The following OGA variants were observed in gnomAD, a reference collection of about 807,000 sequenced individuals.
The protein encoded by OGA is protein O-GlcNAcase.
In OGA, 21 loss-of-function variants were observed where a neutral mutation model predicts 102.0. The observed-to-expected ratio is 0.21, with a 90% CI of 0.15 to 0.30. The LOEUF is 0.30. Ranked by LOEUF, OGA falls within the 10% of genes least tolerant of loss-of-function variation. The pLI is 1.00. For synonymous variants in OGA, 408 were observed against 378.2 expected, an observed-to-expected ratio of 1.08 and a Z score of -0.91; for missense variants, 765 against 1,107.8, an observed-to-expected ratio of 0.69 and a Z score of 4.39.
intron 7 of OGA, among the ~76,000 whole-genome samples, chr10:101,803,495 G>C (rs2065424740): frequency 6.8e-6 from 1 of 148,036 alleles, no homozygotes; most frequent in South Asian, 2.1e-4. Context: ...AAGAGGTTAA[G>C]TGACTTGTCC....
chr10:101,796,722 C>T (rs1255968913), intron 10 of OGA, among the ~76,000 whole-genome samples: 1 of 152,072 alleles, frequency 6.6e-6, no homozygotes, highest in African/African-American at 2.4e-5. Context: ...AGGCATGCGC[C>T]ACCACGCCTG....
At chr10:101,793,077 G>A (rs2065277251) in intron 11 of OGA, 134 bp from the exon 12 acceptor site, 4 of 604,714 alleles carry the variant, frequency 6.6e-6, no homozygotes, top group Middle Eastern at 2.6e-4. Context: ...GGTGTACTAT[G>A]CTTTACTAAT....
chr10:101,813,238 T>C (rs1181106883), intron 2 of OGA, 111 bp from the exon 3 acceptor site: 3 of 739,880 alleles, frequency 4.1e-6, no homozygotes, highest in African/African-American at 3.5e-5. Context: ...TAATATTCTA[T>C]GACAGTAGCT....
At chr10:101,796,721 C>T (rs1457223183) in intron 10 of OGA, among the ~76,000 whole-genome samples, 1 of 152,116 alleles carries the variant, frequency 6.6e-6, no homozygotes, top group Non-Finnish European at 1.5e-5. Flanking sequence ...CAGGCATGCG[C>T]CACCACGCCT....
At chr10:101,811,385 T>A (rs1199757903) in intron 3 of OGA, among the ~76,000 whole-genome samples, 2 of 100,732 alleles carry the variant, frequency 2.0e-5, no homozygotes, top group African/African-American at 7.9e-5. Context: ...CAAGACTCCA[T>A]CTCAAAAAAT....
chr10:101,796,230 T>C lies in OGA; in HGVS notation c.1984+1750A>G, dbSNP rs905031501. On this transcript the variant is annotated intron_variant, in intron 10 of 15. Transcript: ENST00000361464. ...TATTGAGGTCTCTTGAGCCTAAGGG[T>C]AGATGTCTCCCATGTACAGGAGCTA... 2.0e-5 allele frequency among the ~76,000 whole-genome samples: 3 copies of C among 152,118 alleles called. No individual in the cohort carries two copies. The South Asian group carries it at 6.2e-4, about 32-fold the overall frequency.
chr10:101,812,016 G>A (rs1188801890), intron 3 of OGA, among the ~76,000 whole-genome samples: 1 of 152,122 alleles, frequency 6.6e-6, no homozygotes, highest in East Asian at 1.9e-4. Context: ...GATGGAGATG[G>A]GGTAAGCTGT....
In OGA at chr10:101,792,919, T is replaced by G; in HGVS notation, c.2095A>C (p.Asn699His). 1 of 1,613,708 alleles carries G rather than the reference T, an allele frequency of 6.2e-7. No homozygotes were observed. Among genetic ancestry groups the G allele is most frequent in the Non-Finnish European group, 8.5e-7 (1 of 1,179,706 alleles). ...FQRLLPIDGA[N>H]DLFFQPPPLT... ...GGAGGTGGCTGAAAAAAGAGATCAT[T>G]TGCCCCATCAATTGGCAGCAAACGC... The change falls in exon 12 of 16, where the codon AAT becomes CAT. Residue 699 changes from asparagine to histidine, a missense_variant. By Grantham distance (68) the Asn-to-His change is moderately conservative. This residue lies in a region of OGA where 146 missense variants were observed against 269.7 expected (regional missense o/e 0.54). Transcript: ENST00000361464.
At chr10:101,817,759 C>T (rs1342666114) in intron 1 of OGA, 65 bp downstream of exon 1, 12 of 1,508,546 alleles carry the variant, frequency 8.0e-6, no homozygotes, top group Non-Finnish European at 1.1e-5. Flanking sequence ...AAATCCCCGC[C>T]ACCACCCTCC....
rs112801840 is a variant in OGA at position 101,812,222 on chromosome 10, T to C, written c.349+808A>G. On this transcript the variant is annotated intron_variant, in intron 3 of 15. Coordinates refer to ENST00000361464, the MANE Select transcript of OGA (RefSeq NM_012215.5). Reference sequence around the variant, plus strand: ...GCTATACTACTTTTTATCAATTTTATGTAACCAACTCAACGTTAAGTATAC... The same window carrying C: ...GCTATACTACTTTTTATCAATTTTACGTAACCAACTCAACGTTAAGTATAC... Among the ~76,000 whole-genome samples, 61 of 152,312 alleles carry C rather than the reference T, an allele frequency of 4.0e-4. 1 individual carries two copies. Among genetic ancestry groups the C allele is most frequent in the Middle Eastern group, 3.4e-3 (1 of 294 alleles).
chr10:101,800,288 T>C lies in OGA; in HGVS notation c.1149A>G (p.Ala383=). 1.2e-6 allele frequency: 2 copies of C among 1,614,146 alleles called. No homozygotes were observed. Among genetic ancestry groups the C allele is most frequent in the East Asian group, 4.5e-5 (2 of 44,890 alleles). Residue 383 remains alanine, a synonymous_variant, in exon 8 of 16, where the codon GCA becomes GCG. Coordinates refer to ENST00000361464, the MANE Select transcript of OGA (RefSeq NM_012215.5). ...LYSPQMALKL[A]LTEWLQEFGV... ...CAAACTCTTGCAACCATTCTGTTAA[T>C]GCTAGCTTTAGAGCCATCTGTGGAC...
chr10:101,815,737 TAA>T (rs2065613423), intron 1 of OGA, among the ~76,000 whole-genome samples: 1 of 151,740 alleles, frequency 6.6e-6, no homozygotes, highest in South Asian at 2.1e-4. Flanking sequence ...CTAGCTTAAT[TAA>T]ACATTTTAAT....
intron 4 of OGA, among the ~76,000 whole-genome samples, chr10:101,808,119 T>C (rs142072342): frequency 6.6e-6 from 1 of 152,322 alleles, no homozygotes; most frequent in African/African-American, 2.4e-5. Flanking sequence ...GAGTATTCCT[T>C]ATCTGAAATG....
chr10:101,807,349 G>C (rs917927277), intron 5 of OGA, among the ~76,000 whole-genome samples: 1 of 152,150 alleles, frequency 6.6e-6, no homozygotes, highest in Non-Finnish European at 1.5e-5. Flanking sequence ...GGAGTGGGAG[G>C]AGTGCAAAAA....
At chr10:101,805,846 T>G (rs760352297) in intron 6 of OGA, among the ~76,000 whole-genome samples, 199 bp downstream of exon 6, 1 of 151,930 alleles carries the variant, frequency 6.6e-6, no homozygotes, top group Non-Finnish European at 1.5e-5. Flanking sequence ...TCCCAGCTAC[T>G]CGGGAGGCTG....
chr10:101,788,441 A>G (rs1381162592), intron 14 of OGA, among the ~76,000 whole-genome samples: 2 of 151,318 alleles, frequency 1.3e-5, no homozygotes, highest in East Asian at 3.9e-4. Context: ...AAAAAAAAAA[A>G]AAGTTTTCTG....
At chr10:101,787,031 C>T (rs2065198487) in intron 15 of OGA, among the ~76,000 whole-genome samples, 2 of 151,480 alleles carry the variant, frequency 1.3e-5, no homozygotes, top group East Asian at 3.9e-4. Flanking sequence ...GCCACCGTGC[C>T]CGGCCTTTTT....
intron 7 of OGA, among the ~76,000 whole-genome samples, chr10:101,803,007 C>T (rs2065414497): frequency 1.4e-5 from 2 of 139,832 alleles, no homozygotes; most frequent in East Asian, 2.1e-4. Flanking sequence ...AAAAAAAAGC[C>T]GGGTGTGCCT....
In OGA at chr10:101,792,812, CA is replaced by C. The variant is rs747542538; in HGVS notation, c.2175+26del. 62 of 1,502,212 alleles carry C rather than the reference CA, an allele frequency of 4.1e-5. 2 individuals are homozygous for C. The South Asian group carries it at 6.9e-4, about 17-fold the overall frequency. 93.1% of individuals were successfully genotyped at this position (1,502,212 alleles called of 1,614,324 possible). A position where few individuals can be genotyped will look rare whatever the true frequency, so the allele number is the denominator to read the frequency against. ...TTAAGTGTGCACCATACCCATACACCAAGTTGGTAGGTAGAGAGACAATTAC... is the reference window on the plus strand; with the variant it reads ...TTAAGTGTGCACCATACCCATACACCAGTTGGTAGGTAGAGAGACAATTAC... On this transcript the variant is annotated intron_variant, in intron 12 of 15. Coordinates refer to ENST00000361464, the MANE Select transcript of OGA (RefSeq NM_012215.5).
Sources: allele counts gnomAD v4.1 joint callset (sites outside exome capture counted in the v4.1 genomes callset), GRCh38; gene constraint gnomAD v4.1.1; regional missense constraint gnomAD v4.1.1; transcripts MANE v1.5; gene names NCBI Gene and HGNC (gene_info 2026-07-23, HGNC 2026-07-21).